FMNL2: variants seen among roughly 807,000 people sequenced by gnomAD.
The protein encoded by FMNL2 is formin-like protein 2.
A neutral mutation model predicts 130.2 loss-of-function variants in FMNL2; 51 were observed. That is an observed-to-expected ratio of 0.39 (90% CI 0.31 to 0.49). The LOEUF (loss-of-function observed/expected upper bound fraction) is 0.49, where lower values mean the gene tolerates loss of function less well. Ranked by LOEUF, FMNL2 falls within the 20% of genes least tolerant of loss-of-function variation. The pLI is 0.85. For missense variants in FMNL2, 977 were observed against 1,316.2 expected (o/e 0.74, Z 3.99); for synonymous variants, 465 against 467.1 (o/e 1.00, Z 0.06).
At chr2:152,492,879 C>CT (rs1448187011) in intron 1 of FMNL2, among the ~76,000 whole-genome samples, 1 of 151,248 alleles carries the variant, frequency 6.6e-6, no homozygotes, top group Non-Finnish European at 1.5e-5. Flanking sequence ...TATATTATTA[C>CT]TTTTTTTTTC....
At chr2:152,423,428 A>G (rs1438359557) in intron 1 of FMNL2, among the ~76,000 whole-genome samples, 1 of 152,194 alleles carries the variant, frequency 6.6e-6, no homozygotes, top group Non-Finnish European at 1.5e-5. Context: ...GTGTTATTCT[A>G]AGCACTCTAA....
intron 1 of FMNL2, among the ~76,000 whole-genome samples, chr2:152,460,916 T>C (rs1689200071): frequency 6.6e-6 from 1 of 152,172 alleles, no homozygotes; most frequent in South Asian, 2.1e-4. Flanking sequence ...TATTACAATG[T>C]AATAATAATA....
chr2:152,472,926 G>A (rs1030834509), intron 1 of FMNL2, among the ~76,000 whole-genome samples: 1 of 152,204 alleles, frequency 6.6e-6, no homozygotes, highest in Non-Finnish European at 1.5e-5. Context: ...AGGAACTCGT[G>A]AATACAAGTT....
intron 1 of FMNL2, among the ~76,000 whole-genome samples, chr2:152,483,175 T>TA (rs1209340462): frequency 6.6e-6 from 1 of 152,056 alleles, no homozygotes; most frequent in African/African-American, 2.4e-5. Flanking sequence ...TTTGACTCTT[T>TA]AAAAAAACAC....
At chr2:152,612,219 G>A (rs1162716087) in intron 11 of FMNL2, among the ~76,000 whole-genome samples, 1 of 152,178 alleles carries the variant, frequency 6.6e-6, no homozygotes, top group Non-Finnish European at 1.5e-5. Flanking sequence ...ACAGAAACTT[G>A]TGAAAATCAG....
In FMNL2 at chr2:152,649,519, A is replaced by G. The variant is rs1683896623; in HGVS notation, c.*1614A>G. On this transcript the variant is annotated 3_prime_UTR_variant, in exon 26 of 26. Coordinates refer to ENST00000288670, the MANE Select transcript of FMNL2 (RefSeq NM_052905.4). Reference sequence around the variant, plus strand: ...CCCATAAATGTGTACTTTACTTTAAAAAGAACATGCCACGATTTTGTCTTT... The same window carrying G: ...CCCATAAATGTGTACTTTACTTTAAGAAGAACATGCCACGATTTTGTCTTT... 1 of 152,602 alleles carries G rather than the reference A, an allele frequency of 6.6e-6. No individual in the cohort carries two copies. Among genetic ancestry groups the G allele is most frequent in the Non-Finnish European group, 1.5e-5 (1 of 68,030 alleles). 9.5% of individuals were successfully genotyped at this position (152,602 alleles called of 1,614,324 possible). A position where few individuals can be genotyped will look rare whatever the true frequency, so the allele number is the denominator to read the frequency against.
chr2:152,562,096 G>C (rs1316957636), intron 6 of FMNL2, among the ~76,000 whole-genome samples: 1 of 152,176 alleles, frequency 6.6e-6, no homozygotes, highest in Non-Finnish European at 1.5e-5. Context: ...CTAATTGTAT[G>C]TTGGTGGATA....
chr2:152,458,629 T>A (rs1296570251), intron 1 of FMNL2, among the ~76,000 whole-genome samples: 1 of 152,198 alleles, frequency 6.6e-6, no homozygotes, highest in Non-Finnish European at 1.5e-5. Flanking sequence ...CTAAAATACT[T>A]GGTAAAGTCA....
At chr2:152,354,201 G>T (rs552487724) in intron 1 of FMNL2, among the ~76,000 whole-genome samples, 49 of 152,268 alleles carry the variant, frequency 3.2e-4, no homozygotes, top group Admixed American at 2.3e-3. Flanking sequence ...TGAGCAGCTT[G>T]TTCACAATGA....
chr2:152,631,167 C>T (rs888524249), intron 20 of FMNL2, among the ~76,000 whole-genome samples: 4 of 151,994 alleles, frequency 2.6e-5, no homozygotes, highest in Non-Finnish European at 5.9e-5. Context: ...GGGAGGATCA[C>T]CTGAGGTCAG....
chr2:152,501,336 A>G (rs542117483), intron 1 of FMNL2, among the ~76,000 whole-genome samples: 1 of 152,336 alleles, frequency 6.6e-6, no homozygotes, highest in Non-Finnish European at 1.5e-5. Flanking sequence ...ACCTGCATTC[A>G]GTTGAACTTG....
At chr2:152,380,808 A>G (rs545868246) in intron 1 of FMNL2, among the ~76,000 whole-genome samples, 9 of 152,278 alleles carry the variant, frequency 5.9e-5, no homozygotes, top group African/African-American at 2.2e-4. Context: ...CTAGAGCTGC[A>G]TTATAGCTAG....
chr2:152,517,608 C>A (rs17399537), intron 1 of FMNL2, among the ~76,000 whole-genome samples: 34,516 of 152,036 alleles, frequency 0.23, 4,308 homozygotes, highest in Non-Finnish European at 0.29. Flanking sequence ...TTGATTCTTA[C>A]AGTTTGCCAG....
rs1338453975 is a variant in FMNL2 at position 152,618,953 on chromosome 2, G to A, written c.1422G>A (p.Glu474=). Residue 474 remains glutamate, a synonymous_variant, in exon 14 of 26, where the codon GAG becomes GAA. Transcript: ENST00000288670. ...RQSTLEKKIH[E]LEKQGTIKIQ... ...CTACCCTGGAAAAAAAGATTCATGA[G>A]CTAGAGAAACAAGGGACCATTAAAA... 6.2e-7 allele frequency: 1 copy of A among 1,614,050 alleles called. No homozygotes were observed. Among genetic ancestry groups the A allele is most frequent in the East Asian group, 2.2e-5 (1 of 44,890 alleles).
chr2:152,397,388 GAA>G (rs5835428), intron 1 of FMNL2, among the ~76,000 whole-genome samples: 22,965 of 151,290 alleles, frequency 0.15, 2,009 homozygotes, highest in African/African-American at 0.22. Flanking sequence ...CAGTTAGGGG[GAA>G]AAAAAAAAAT....
chr2:152,646,495 G>C (rs1683578414), intron 25 of FMNL2, among the ~76,000 whole-genome samples: 1 of 151,854 alleles, frequency 6.6e-6, no homozygotes, highest in Non-Finnish European at 1.5e-5. Flanking sequence ...GCCCGGTTTT[G>C]CCAGATCTTC....
intron 1 of FMNL2, among the ~76,000 whole-genome samples, chr2:152,404,082 A>AAATG (rs1322179200): frequency 6.6e-6 from 1 of 152,210 alleles, no homozygotes; most frequent in Non-Finnish European, 1.5e-5. Flanking sequence ...ATAAATAAAT[A>AAATG]AATGTAAAAG....
At chr2:152,394,355 G>A (rs6760818) in intron 1 of FMNL2, among the ~76,000 whole-genome samples, 3,347 of 152,196 alleles carry the variant, frequency 0.022, 116 homozygotes, top group African/African-American at 0.077. Context: ...CAAACCAATT[G>A]TGGGTTGCTT....
rs945369014 is a variant in FMNL2 at position 152,352,351 on chromosome 2, A to T, written c.117+16631A>T. Among the ~76,000 whole-genome samples, 4 of 152,194 alleles carry T rather than the reference A, an allele frequency of 2.6e-5. No homozygotes were observed. In the East Asian group the frequency reaches 7.7e-4, roughly 29 times the overall value. On this transcript the variant is annotated intron_variant, in intron 1 of 25. Transcript: ENST00000288670. ...TATATCCCTGTCTCATATATGAGAA[A>T]CTCAGGATTAGGGAAGTTAAAAATC...
Sources: allele counts gnomAD v4.1 joint callset (sites outside exome capture counted in the v4.1 genomes callset), GRCh38; gene constraint gnomAD v4.1.1; transcripts MANE v1.5; gene names NCBI Gene and HGNC (gene_info 2026-07-23, HGNC 2026-07-21).